CANX: variants seen among roughly 807,000 people sequenced by gnomAD.
CANX encodes calnexin, also known as epididymis secretory sperm binding protein.
In CANX, 14 loss-of-function variants were observed where a neutral mutation model predicts 75.7. The ratio of observed to expected loss-of-function variants is 0.19; its 90% CI spans 0.12 to 0.29. CANX has a LOEUF of 0.29. Ranked by LOEUF, CANX falls within the 10% of genes least tolerant of loss-of-function variation. CANX has a pLI of 1.00. For missense variants in CANX, 567 were observed against 713.2 expected (o/e 0.79, Z 2.34); for synonymous variants, 227 against 236.9 (o/e 0.96, Z 0.38).
intron 3 of CANX, 45 bp from the exon 4 acceptor site, chr5:179,707,087 G>A (rs770488346): frequency 2.6e-6 from 3 of 1,167,126 alleles, no homozygotes; most frequent in Non-Finnish European, 2.6e-6. Flanking sequence ...TCCCTCACAA[G>A]TCAACTGTCA....
intron 10 of CANX, among the ~76,000 whole-genome samples, chr5:179,721,506 C>T (rs1778310259): frequency 6.6e-6 from 1 of 152,230 alleles, no homozygotes; most frequent in Non-Finnish European, 1.5e-5. Flanking sequence ...ATAGGATCCA[C>T]AGCTGAGTCT....
At chr5:179,721,427 A>T (rs1263613731) in intron 10 of CANX, among the ~76,000 whole-genome samples, 1 of 152,202 alleles carries the variant, frequency 6.6e-6, no homozygotes. Context: ...ACTATATTTA[A>T]AAACAAAAGA....
intron 1 of CANX, among the ~76,000 whole-genome samples, chr5:179,686,400 C>CT (rs879458030): frequency 2.0e-3 from 279 of 140,568 alleles, no homozygotes; most frequent in Non-Finnish European, 2.0e-3. Flanking sequence ...GCCCGGCCAT[C>CT]TTTTTTTTTT....
chr5:179,698,950 G>C, upstream of CANX: 3 of 1,118,154 alleles, frequency 2.7e-6, no homozygotes, highest in Non-Finnish European at 3.3e-6. Flanking sequence ...TCGTGCGGTG[G>C]GGCTCGCTCG....
chr5:179,689,126 C>T (rs1485442122), intron 1 of CANX, among the ~76,000 whole-genome samples: 2 of 151,924 alleles, frequency 1.3e-5, no homozygotes, highest in Non-Finnish European at 2.9e-5. Flanking sequence ...TGGTGGTGTG[C>T]GCCTATAATC....
At chr5:179,716,007 C>A in intron 7 of CANX, 98 bp from the exon 8 acceptor site, 1 of 916,768 alleles carries the variant, frequency 1.1e-6, no homozygotes, top group Non-Finnish European at 1.8e-6. Flanking sequence ...TCAGGTCAGA[C>A]TTCTGCTGCT....
rs1482232347 is a variant in CANX, at chr5:179,729,690, C to T, written c.*1046C>T. 1 of 152,592 alleles carries T rather than the reference C, an allele frequency of 6.6e-6. No homozygotes were observed. Among genetic ancestry groups the T allele is most frequent in the African/African-American group, 2.4e-5 (1 of 41,436 alleles). The allele number at this position is 152,592 out of a possible 1,614,324, so 9.5% of individuals were successfully genotyped here. Reference sequence around the variant, plus strand: ...TCTTTTAAGCAGACCCATACCTTTCCAGGGTCAAAGTACAGAATAGAATAC... The same window carrying T: ...TCTTTTAAGCAGACCCATACCTTTCTAGGGTCAAAGTACAGAATAGAATAC... On this transcript the variant is annotated 3_prime_UTR_variant, in exon 15 of 15. Transcript: ENST00000247461.
rs775928635 is a variant in CANX at position 179,723,704 on chromosome 5, G to A, written c.1443G>A (p.Pro481=). The change falls in exon 12 of 15, where the codon CCG becomes CCA. Residue 481 remains proline (P), a synonymous_variant. Transcript: ENST00000247461. ...GQMIEAAEER[P]WLWVVYILTV... is the part of the protein sequence containing the mutation. ...TGATCGAGGCAGCTGAAGAGCGCCC[G>A]TGGCTGTGGGTAGTCTATATTCTAA... The A allele has an allele frequency of 8.1e-6, 13 of 1,613,888 alleles. No homozygotes were observed. Among genetic ancestry groups the A allele is most frequent in the Middle Eastern group, 1.6e-4 (1 of 6,062 alleles).
chr5:179,716,366 T>C (rs1237303754), intron 8 of CANX, 72 bp downstream of exon 8: 2 of 1,125,778 alleles, frequency 1.8e-6, no homozygotes, highest in South Asian at 1.4e-5. Flanking sequence ...AACAACGAAA[T>C]GTTGGTTGAG....
At chr5:179,696,601 T>C (rs955521140), upstream of CANX, among the ~76,000 whole-genome samples, 4 of 152,166 alleles carry the variant, frequency 2.6e-5, no homozygotes, top group African/African-American at 9.7e-5. Context: ...CTTCTAGAGT[T>C]TCAGGCCCCC....
At chr5:179,697,751 C>T (rs1776446594), upstream of CANX, among the ~76,000 whole-genome samples, 1 of 152,136 alleles carries the variant, frequency 6.6e-6, no homozygotes, top group South Asian at 2.1e-4. Flanking sequence ...ATTAGCCGGG[C>T]GTGGTGGCGG....
At chr5:179,681,683 G>C (rs1776068624) in intron 1 of CANX, among the ~76,000 whole-genome samples, 1 of 152,162 alleles carries the variant, frequency 6.6e-6, no homozygotes, top group Non-Finnish European at 1.5e-5. Context: ...TGCACCACCA[G>C]TGATAGGGAT....
At chr5:179,685,279 TTG>T (rs1776170600) in intron 1 of CANX, among the ~76,000 whole-genome samples, 1 of 151,960 alleles carries the variant, frequency 6.6e-6, no homozygotes, top group Non-Finnish European at 1.5e-5. Context: ...TTTTGTTTAT[TTG>T]TGTTTTTTTT....
intron 13 of CANX, among the ~76,000 whole-genome samples, chr5:179,726,372 C>T (rs796828631): frequency 2.6e-5 from 4 of 152,068 alleles, no homozygotes; most frequent in African/African-American, 7.2e-5. Context: ...GTCAGGAGAT[C>T]GAGACCATCC....
chr5:179,678,935 C>T (rs1365516933), intron 1 of CANX: 1 of 1,535,260 alleles, frequency 6.5e-7, no homozygotes, highest in Non-Finnish European at 8.7e-7. Context: ...GTTGCTGAGG[C>T]GCATGCACGG....
At chr5:179,678,843 C>A (rs1775971970) in intron 1 of CANX, 1 of 1,536,920 alleles carries the variant, frequency 6.5e-7, no homozygotes, top group Non-Finnish European at 8.7e-7. Flanking sequence ...CAGCCCCAGG[C>A]GGTCCGCGAG....
At chr5:179,726,848 C>A in intron 14 of CANX, 89 bp downstream of exon 14, 1 of 927,442 alleles carries the variant, frequency 1.1e-6, no homozygotes, top group Non-Finnish European at 1.7e-6. Context: ...TTTACAGTGG[C>A]TTATGGCAGT....
chr5:179,703,821 T>C (rs1218411718), intron 1 of CANX, among the ~76,000 whole-genome samples: 1 of 152,066 alleles, frequency 6.6e-6, no homozygotes, highest in Non-Finnish European at 1.5e-5. Context: ...CATGGACTCA[T>C]GATAGTTTTT....
chr5:179,686,122 G>A (rs1470308462), intron 1 of CANX, among the ~76,000 whole-genome samples: 9 of 55,454 alleles, frequency 1.6e-4, no homozygotes, highest in Admixed American at 8.1e-4. Flanking sequence ...TTTTTGAGAC[G>A]GAGTCTCGCT....
Sources: gnomAD v4.1 joint callset for allele counts (sites outside exome capture counted in the v4.1 genomes callset) on GRCh38, gnomAD v4.1.1 for gene constraint, MANE v1.5 for transcripts, NCBI Gene and HGNC (gene_info 2026-07-23, HGNC 2026-07-21) for gene names.